Variants in PLA2G4A observed in about 807,000 individuals in gnomAD.
PLA2G4A encodes phospholipase A2 group IVA, also known as cytosolic phospholipase A2.
A neutral mutation model predicts 81.9 loss-of-function variants in PLA2G4A; 40 were observed. The ratio of observed to expected loss-of-function variants is 0.49; its 90% confidence interval spans 0.38 to 0.64. The LOEUF (loss-of-function observed/expected upper bound fraction) is 0.64, where lower values mean the gene tolerates loss of function less well. PLA2G4A is among the 30% of genes least tolerant of loss of function. PLA2G4A has a pLI of 0.00. For missense variants in PLA2G4A, 715 were observed against 905.1 expected, an observed-to-expected ratio of 0.79 and a Z score of 2.69; for synonymous variants, 302 against 296.9, an observed-to-expected ratio of 1.02 and a Z score of -0.18.
intron 10 of PLA2G4A, among the ~76,000 whole-genome samples, chr1:186,940,649 T>C (rs1266418865): frequency 6.6e-6 from 1 of 152,178 alleles, no homozygotes; most frequent in Non-Finnish European, 1.5e-5. Context: ...GTGTAAATGC[T>C]AGGTAAATAG....
At chr1:186,905,382 C>G (rs1389333408) in intron 5 of PLA2G4A, among the ~76,000 whole-genome samples, 1 of 139,038 alleles carries the variant, frequency 7.2e-6, no homozygotes, top group Admixed American at 7.6e-5. Flanking sequence ...ATTTTAAGGG[C>G]AATTTTTATG....
At chr1:186,960,424 G>C (rs546141560) in intron 14 of PLA2G4A, among the ~76,000 whole-genome samples, 5 of 152,106 alleles carry the variant, frequency 3.3e-5, no homozygotes, top group Non-Finnish European at 7.4e-5. Context: ...TTCCACAACC[G>C]CATTAATTCA....
At chr1:186,829,912 G>T (rs567466629) in intron 1 of PLA2G4A, among the ~76,000 whole-genome samples, 1 of 152,136 alleles carries the variant, frequency 6.6e-6, no homozygotes, top group African/African-American at 2.4e-5. Context: ...AGTATTAGAG[G>T]CGTACTGTCT....
rs1655714471 is a variant in PLA2G4A, at chr1:186,930,766, G to A, written c.559-1997G>A. Among the ~76,000 whole-genome samples, 8 of 152,074 alleles carry A rather than the reference G, an allele frequency of 5.3e-5. No homozygotes were observed. In the South Asian group the frequency reaches 1.0e-3, roughly 20 times the overall value. On this transcript the variant is annotated intron_variant, in intron 7 of 17. Coordinates refer to ENST00000367466, the MANE Select transcript of PLA2G4A (RefSeq NM_024420.3). ...AATCTTGAAATTGTTTTTCCTCAAT[G>A]CCCTTCGTAATCCTATTTTCCCAAC...
intron 2 of PLA2G4A, among the ~76,000 whole-genome samples, chr1:186,867,121 C>T (rs1326195490): frequency 6.6e-6 from 1 of 152,012 alleles, no homozygotes; most frequent in African/African-American, 2.4e-5. Context: ...TATAGTAAGT[C>T]TTGAAGTTGC....
chr1:186,970,255 G>A (rs1014618876), intron 15 of PLA2G4A, among the ~76,000 whole-genome samples: 1 of 151,590 alleles, frequency 6.6e-6, no homozygotes, highest in African/African-American at 2.4e-5. Context: ...TTAAAAATCC[G>A]ATTGTTTTTC....
chr1:186,873,565 C>T (rs1653363532), intron 3 of PLA2G4A, among the ~76,000 whole-genome samples: 1 of 151,946 alleles, frequency 6.6e-6, no homozygotes, highest in Non-Finnish European at 1.5e-5. Flanking sequence ...GGTACCAAGA[C>T]AAATAAAAAA....
chr1:186,870,983 G>A (rs561490345), intron 3 of PLA2G4A, among the ~76,000 whole-genome samples: 12 of 152,250 alleles, frequency 7.9e-5, no homozygotes, highest in Middle Eastern at 3.4e-3. Flanking sequence ...TTCTTGTGAC[G>A]TACACATCTT....
At chr1:186,974,721 T>G (rs1179863114) in intron 15 of PLA2G4A, among the ~76,000 whole-genome samples, 1 of 152,248 alleles carries the variant, frequency 6.6e-6, no homozygotes, top group African/African-American at 2.4e-5. Flanking sequence ...GCAATTTTTT[T>G]GTTCACTGAA....
At chr1:186,950,343 G>A (rs866717718) in intron 12 of PLA2G4A, among the ~76,000 whole-genome samples, 1 of 151,958 alleles carries the variant, frequency 6.6e-6, no homozygotes, top group South Asian at 2.1e-4. Context: ...ATATTTTTTG[G>A]TATAACAAGG....
intron 10 of PLA2G4A, among the ~76,000 whole-genome samples, chr1:186,940,314 A>G (rs1222275900): frequency 6.6e-6 from 1 of 152,250 alleles, no homozygotes; most frequent in African/African-American, 2.4e-5. Context: ...CATTTACTAT[A>G]GTAAAATAAA....
chr1:186,963,406 G>A (rs1296628520), intron 14 of PLA2G4A, among the ~76,000 whole-genome samples: 2 of 152,106 alleles, frequency 1.3e-5, no homozygotes, highest in African/African-American at 2.4e-5. Flanking sequence ...ACTACTGTTT[G>A]TAAATACTTA....
At chr1:186,832,981 A>T (rs1008219868) in intron 1 of PLA2G4A, among the ~76,000 whole-genome samples, 11 of 152,180 alleles carry the variant, frequency 7.2e-5, no homozygotes, top group African/African-American at 2.4e-4. Context: ...ATTCTCATAG[A>T]CTAATAGTTT....
chr1:186,966,469 G>T (rs1238622611), intron 15 of PLA2G4A, among the ~76,000 whole-genome samples: 1 of 152,148 alleles, frequency 6.6e-6, no homozygotes, highest in Non-Finnish European at 1.5e-5. Flanking sequence ...ATGGAAAAAG[G>T]AAGTTAAGGA....
chr1:186,974,717 T>C (rs538161270), intron 15 of PLA2G4A, among the ~76,000 whole-genome samples: 38 of 152,352 alleles, frequency 2.5e-4, no homozygotes, highest in African/African-American at 9.1e-4. Context: ...AGCAGCAATT[T>C]TTTTGTTCAC....
At chr1:186,903,448 G>A (rs1388174579) in intron 5 of PLA2G4A, among the ~76,000 whole-genome samples, 1 of 152,126 alleles carries the variant, frequency 6.6e-6, no homozygotes, top group Non-Finnish European at 1.5e-5. Context: ...CCAACCCCTG[G>A]TTCTGGTCTA....
rs989008573 is a variant in PLA2G4A at position 186,952,789 on chromosome 1, T to C, written c.1336+2061T>C. ...GTTTTGCCTTTTCCAGAATGTCATG[T>C]AGTCAGAATCAAACAATAATGTAGC... On this transcript the variant is annotated intron_variant, in intron 13 of 17. Coordinates refer to ENST00000367466, the MANE Select transcript of PLA2G4A (RefSeq NM_024420.3). 1.4e-4 allele frequency among the ~76,000 whole-genome samples: 20 copies of C among 146,950 alleles called. No individual in the cohort carries two copies. In the East Asian group the frequency reaches 4.3e-3, roughly 31 times the overall value.
chr1:186,876,266 T>A (rs963636993), intron 3 of PLA2G4A, among the ~76,000 whole-genome samples: 3 of 152,160 alleles, frequency 2.0e-5, no homozygotes, highest in African/African-American at 7.2e-5. Flanking sequence ...TCTAAATATG[T>A]GCAAATGTTC....
chr1:186,851,341 G>A (rs1347180671), intron 1 of PLA2G4A, among the ~76,000 whole-genome samples: 1 of 151,914 alleles, frequency 6.6e-6, no homozygotes, highest in East Asian at 1.9e-4. Flanking sequence ...GCTTTATGTG[G>A]ACCATCATAT....
Sources: allele counts gnomAD v4.1 joint callset (sites outside exome capture counted in the v4.1 genomes callset), GRCh38; gene constraint gnomAD v4.1.1; transcripts MANE v1.5; gene names NCBI Gene and HGNC (gene_info 2026-07-23, HGNC 2026-07-21).